The following IMMP2L variants were observed in gnomAD, a reference collection of about 807,000 sequenced individuals.
IMMP2L encodes the protein mitochondrial inner membrane protease subunit 2.
Under a neutral mutation model 19.3 loss-of-function variants are expected in IMMP2L, and 18 were observed. The ratio of observed to expected loss-of-function variants is 0.93; its 90% CI spans 0.64 to 1.38. The LOEUF (loss-of-function observed/expected upper bound fraction) is 1.38, where lower values mean the gene tolerates loss of function less well. Ranked by LOEUF, IMMP2L falls within the 40% of genes most tolerant of loss-of-function variation. The pLI, the probability that IMMP2L is intolerant of heterozygous loss-of-function variation, is 0.00. For missense variants in IMMP2L, 233 were observed against 218.2 expected (o/e 1.07, Z -0.43); for synonymous variants, 76 against 73.0 (o/e 1.04, Z -0.21).
At position 110,882,356 on chromosome 7, in the gene IMMP2L, CCTCT is replaced by C. The variant is rs370206224; in HGVS notation, c.408+4233_408+4236del. Among the ~76,000 whole-genome samples, 10 of 124,906 alleles carry C rather than the reference CCTCT, an allele frequency of 8.0e-5. No homozygotes were observed. The South Asian group carries it at 1.3e-3, about 16-fold the overall frequency. The allele number at this position is 124,906 out of a possible 152,430, so 81.9% of individuals were successfully genotyped here. On this transcript the variant is annotated intron_variant, in intron 5 of 5. Coordinates refer to ENST00000405709, the MANE Select transcript of IMMP2L (RefSeq NM_032549.4). ...TCCTTCCTTCCCTCCTTCCTCTCTC[CCTCT>C]CTCTCTCTCTCTCTCCCTCTCTCTC...
intron 5 of IMMP2L, among the ~76,000 whole-genome samples, chr7:110,680,170 T>C (rs1792609400): frequency 6.6e-6 from 1 of 152,202 alleles, no homozygotes; most frequent in Admixed American, 6.5e-5. Flanking sequence ...ATTCCAATGA[T>C]AAGAACTTAG....
chr7:111,209,012 C>T (rs1257488050), intron 3 of IMMP2L, among the ~76,000 whole-genome samples: 1 of 152,136 alleles, frequency 6.6e-6, no homozygotes, highest in Admixed American at 6.5e-5. Context: ...TAGTTTAAAA[C>T]TGATAGCATT....
At chr7:111,438,642 C>G (rs889649547) in intron 3 of IMMP2L, among the ~76,000 whole-genome samples, 2 of 151,844 alleles carry the variant, frequency 1.3e-5, no homozygotes, top group Non-Finnish European at 2.9e-5. Context: ...CCTTTCTCTT[C>G]TAGGTTATTG....
chr7:111,350,899 T>C (rs1302822388), intron 3 of IMMP2L, among the ~76,000 whole-genome samples: 1 of 152,158 alleles, frequency 6.6e-6, no homozygotes, highest in East Asian at 1.9e-4. Flanking sequence ...TTGGGGATGA[T>C]GAATTAGATG....
At chr7:111,533,028 A>T (rs996121752) in intron 1 of IMMP2L, among the ~76,000 whole-genome samples, 4 of 152,224 alleles carry the variant, frequency 2.6e-5, no homozygotes. Flanking sequence ...CACTTGCTGA[A>T]ATGGCAACAA....
chr7:111,494,464 C>T (rs1345749044), intron 2 of IMMP2L, among the ~76,000 whole-genome samples: 1 of 152,164 alleles, frequency 6.6e-6, no homozygotes, highest in Non-Finnish European at 1.5e-5. Context: ...TCTCTCTCAA[C>T]AACTTGCATT....
intron 3 of IMMP2L, among the ~76,000 whole-genome samples, chr7:111,082,089 GT>G (rs1244817626): frequency 1.3e-5 from 2 of 152,158 alleles, no homozygotes; most frequent in Non-Finnish European, 2.9e-5. Context: ...GAATTTAACA[GT>G]AACCATTTGG....
chr7:110,815,814 C>A (rs557048565), intron 5 of IMMP2L, among the ~76,000 whole-genome samples: 1 of 151,946 alleles, frequency 6.6e-6, no homozygotes, highest in Admixed American at 6.6e-5. Flanking sequence ...GTGGTGATAT[C>A]CCCTTTATCA....
intron 3 of IMMP2L, among the ~76,000 whole-genome samples, chr7:111,074,808 A>G (rs1384862940): frequency 6.6e-6 from 1 of 152,212 alleles, no homozygotes; most frequent in Non-Finnish European, 1.5e-5. Context: ...TTTTAGCAAT[A>G]AGGATAGTTT....
chr7:111,346,703 T>G (rs770148517), intron 3 of IMMP2L, among the ~76,000 whole-genome samples: 1 of 152,170 alleles, frequency 6.6e-6, no homozygotes, highest in South Asian at 2.1e-4. Flanking sequence ...CTGACTAGAT[T>G]ACAGGTGTGT....
chr7:111,018,566 G>C (rs1309685233), intron 3 of IMMP2L, among the ~76,000 whole-genome samples: 4 of 152,106 alleles, frequency 2.6e-5, no homozygotes, highest in African/African-American at 9.7e-5. Flanking sequence ...GTGTGTAGCA[G>C]CCACTGTTCT....
chr7:111,037,063 AG>A (rs1198289317), intron 3 of IMMP2L, among the ~76,000 whole-genome samples: 1 of 152,188 alleles, frequency 6.6e-6, no homozygotes, highest in Non-Finnish European at 1.5e-5. Context: ...ACTGCTGTAT[AG>A]GATCACTCAG....
chr7:111,256,471 C>G (rs1464335411), intron 3 of IMMP2L, among the ~76,000 whole-genome samples: 3 of 151,924 alleles, frequency 2.0e-5, no homozygotes. Flanking sequence ...GAAACCAACT[C>G]CAAATGAATA....
At chr7:111,262,979 G>A (rs540881737) in intron 3 of IMMP2L, among the ~76,000 whole-genome samples, 4 of 152,254 alleles carry the variant, frequency 2.6e-5, no homozygotes, top group African/African-American at 7.2e-5. Flanking sequence ...TTTGCTCAGA[G>A]AGGAAGAGCC....
intron 5 of IMMP2L, among the ~76,000 whole-genome samples, chr7:110,800,032 T>G (rs1329488384): frequency 6.6e-6 from 1 of 152,102 alleles, no homozygotes; most frequent in Non-Finnish European, 1.5e-5. Context: ...ATTAAATGCA[T>G]GTGTAAAATA....
intron 3 of IMMP2L, among the ~76,000 whole-genome samples, chr7:111,200,810 C>T (rs1776602825): frequency 6.6e-6 from 1 of 152,054 alleles, no homozygotes; most frequent in Non-Finnish European, 1.5e-5. Flanking sequence ...ATTCCACAAA[C>T]AGATAAAAGA....
At chr7:110,671,820 GA>G (rs1300286088) in intron 5 of IMMP2L, among the ~76,000 whole-genome samples, 1 of 152,110 alleles carries the variant, frequency 6.6e-6, no homozygotes, top group African/African-American at 2.4e-5. Flanking sequence ...AGTTGGGATA[GA>G]GGAAAAAACA....
chr7:110,664,058 G>A (rs964176265), intron 5 of IMMP2L, among the ~76,000 whole-genome samples: 2 of 152,044 alleles, frequency 1.3e-5, no homozygotes, highest in African/African-American at 4.8e-5. Context: ...GCTACCAAGC[G>A]GTTAGTCTGT....
intron 4 of IMMP2L, among the ~76,000 whole-genome samples, chr7:110,912,744 G>C (rs983288559): frequency 6.6e-6 from 1 of 152,064 alleles, no homozygotes; most frequent in African/African-American, 2.4e-5. Context: ...GTGGCTTCGT[G>C]AAAAGTAGTT....
Sources: allele counts gnomAD v4.1 joint callset (sites outside exome capture counted in the v4.1 genomes callset), GRCh38; gene constraint gnomAD v4.1.1; transcripts MANE v1.5; gene names NCBI Gene and HGNC (gene_info 2026-07-23, HGNC 2026-07-21).